GPC6: variants seen among roughly 807,000 people sequenced by gnomAD.
The protein encoded by GPC6 is glypican-6.
In GPC6, 14 loss-of-function variants were observed where a neutral mutation model predicts 55.2. The observed-to-expected ratio is 0.25, with a 90% CI of 0.17 to 0.40. GPC6 has a LOEUF of 0.40. GPC6 is among the 10% of genes least tolerant of loss of function. The pLI, the probability that GPC6 is intolerant of heterozygous loss-of-function variation, is 1.00. For missense variants in GPC6, 641 were observed against 708.5 expected, an observed-to-expected ratio of 0.90 and a Z score of 1.08; for synonymous variants, 278 against 259.6, an observed-to-expected ratio of 1.07 and a Z score of -0.68.
chr13:93,900,725 G>T (rs899374031), intron 3 of GPC6, among the ~76,000 whole-genome samples: 1 of 152,030 alleles, frequency 6.6e-6, no homozygotes, highest in African/African-American at 2.4e-5. Context: ...GAAAAATTTG[G>T]ATACTCTATG....
intron 3 of GPC6, among the ~76,000 whole-genome samples, chr13:93,856,305 A>C (rs1888608491): frequency 6.6e-6 from 1 of 151,544 alleles, no homozygotes. Flanking sequence ...AGTGATGTCA[A>C]GTGGGTTGAG....
chr13:94,270,368 T>C (rs1891953092), intron 4 of GPC6, among the ~76,000 whole-genome samples: 1 of 152,210 alleles, frequency 6.6e-6, no homozygotes, highest in East Asian at 1.9e-4. Context: ...GAGGTCATAG[T>C]GCATTGCTGA....
intron 4 of GPC6, among the ~76,000 whole-genome samples, chr13:94,161,487 T>C (rs1888161863): frequency 6.6e-6 from 1 of 152,196 alleles, no homozygotes; most frequent in Non-Finnish European, 1.5e-5. Context: ...TATTAGCATG[T>C]TGACATATAT....
intron 3 of GPC6, among the ~76,000 whole-genome samples, chr13:93,849,484 G>T (rs965038116): frequency 2.0e-5 from 3 of 152,076 alleles, no homozygotes; most frequent in Non-Finnish European, 2.9e-5. Context: ...AATATAAGCT[G>T]AGAAGGCCCA....
intron 1 of GPC6, among the ~76,000 whole-genome samples, chr13:93,502,476 G>T (rs376989766): frequency 9.9e-5 from 15 of 152,192 alleles, no homozygotes; most frequent in East Asian, 3.9e-4. Context: ...TGACTAACAA[G>T]TGTAGTTTGA....
intron 3 of GPC6, among the ~76,000 whole-genome samples, chr13:93,927,274 T>C (rs8002566): frequency 0.44 from 67,630 of 152,010 alleles, 15,558 homozygotes; most frequent in Non-Finnish European, 0.49. Flanking sequence ...TTTTAAAGCA[T>C]AACCAAATAC....
chr13:93,768,261 A>G (rs1026344936), intron 2 of GPC6, among the ~76,000 whole-genome samples: 1 of 152,104 alleles, frequency 6.6e-6, no homozygotes, highest in Admixed American at 6.6e-5. Flanking sequence ...TTGGTTAATT[A>G]TTGCCAACCT....
At chr13:94,153,708 G>A (rs1887826805) in intron 4 of GPC6, among the ~76,000 whole-genome samples, 1 of 152,158 alleles carries the variant, frequency 6.6e-6, no homozygotes, top group Non-Finnish European at 1.5e-5. Context: ...CTAGGTTCTT[G>A]CCACTCAAAG....
At chr13:94,138,813 T>G (rs1887272061) in intron 4 of GPC6, among the ~76,000 whole-genome samples, 1 of 152,152 alleles carries the variant, frequency 6.6e-6, no homozygotes, top group Non-Finnish European at 1.5e-5. Flanking sequence ...GAAGCTCTCC[T>G]GTACTGAGTA....
intron 2 of GPC6, among the ~76,000 whole-genome samples, chr13:93,668,020 T>G (rs1043663542): frequency 6.6e-6 from 1 of 152,170 alleles, no homozygotes; most frequent in Non-Finnish European, 1.5e-5. Flanking sequence ...ATGTAAAATA[T>G]TTTCAATTAT....
At chr13:94,213,797 C>T (rs892538043) in intron 4 of GPC6, among the ~76,000 whole-genome samples, 1 of 152,158 alleles carries the variant, frequency 6.6e-6, no homozygotes, top group Non-Finnish European at 1.5e-5. Flanking sequence ...ATCATCCCAG[C>T]CTCCAGAAGT....
chr13:94,154,626 A>T (rs1318489240), intron 4 of GPC6, among the ~76,000 whole-genome samples: 1 of 152,184 alleles, frequency 6.6e-6, no homozygotes, highest in Non-Finnish European at 1.5e-5. Context: ...CCGAAGTCCC[A>T]GCTTTGCTCA....
intron 1 of GPC6, among the ~76,000 whole-genome samples, chr13:93,330,584 A>G (rs1420818896): frequency 2.0e-5 from 3 of 152,132 alleles, no homozygotes; most frequent in Non-Finnish European, 4.4e-5. Context: ...GCTACCTCAT[A>G]CACTGAAAAT....
chr13:93,536,883 T>C (rs1464890968), intron 1 of GPC6, among the ~76,000 whole-genome samples: 2 of 152,210 alleles, frequency 1.3e-5, no homozygotes, highest in African/African-American at 4.8e-5. Context: ...CACACATGCA[T>C]ACCAGTGTTT....
intron 3 of GPC6, among the ~76,000 whole-genome samples, chr13:93,958,936 T>G (rs1471509450): frequency 1.3e-5 from 2 of 152,190 alleles, no homozygotes; most frequent in Non-Finnish European, 2.9e-5. Flanking sequence ...TCTTCGTGGC[T>G]ATTGTAAATG....
intron 1 of GPC6, among the ~76,000 whole-genome samples, chr13:93,429,902 A>T (rs1387066761): frequency 6.6e-6 from 1 of 152,130 alleles, no homozygotes; most frequent in Non-Finnish European, 1.5e-5. Flanking sequence ...CTATGGAAAC[A>T]GTTGCCTGAG....
intron 1 of GPC6, among the ~76,000 whole-genome samples, chr13:93,425,835 T>C (rs566258730): frequency 6.6e-6 from 1 of 152,270 alleles, no homozygotes; most frequent in East Asian, 1.9e-4. Flanking sequence ...ACAAGGCAAA[T>C]GTCGCAAATA....
At chr13:93,487,198 G>A (rs1396888171) in intron 1 of GPC6, among the ~76,000 whole-genome samples, 2 of 152,000 alleles carry the variant, frequency 1.3e-5, no homozygotes, top group Non-Finnish European at 2.9e-5. Flanking sequence ...GATCATTATT[G>A]CAAGATTCTT....
At chr13:93,269,642 T>A (rs368628412) in intron 1 of GPC6, among the ~76,000 whole-genome samples, 16 of 151,792 alleles carry the variant, frequency 1.1e-4, no homozygotes, top group East Asian at 9.7e-4. Context: ...ATATTTGTGG[T>A]AGGCCGGACA....
Sources: gnomAD v4.1 joint callset for allele counts (sites outside exome capture counted in the v4.1 genomes callset) on GRCh38, gnomAD v4.1.1 for gene constraint, MANE v1.5 for transcripts, NCBI Gene and HGNC (gene_info 2026-07-23, HGNC 2026-07-21) for gene names.